Variants in NUP93 observed in about 807,000 individuals in gnomAD.
NUP93 encodes nucleoporin 93, also known as nuclear pore complex protein Nup93.
A neutral mutation model predicts 107.8 loss-of-function variants in NUP93; 55 were observed. The observed-to-expected ratio is 0.51, with a 90% CI of 0.41 to 0.64. NUP93 has a LOEUF of 0.64. NUP93 is among the 30% of genes least tolerant of loss of function. NUP93 has a pLI of 0.00. For missense variants in NUP93, 937 were observed against 1,044.7 expected (o/e 0.90, Z 1.42); for synonymous variants, 390 against 397.5 (o/e 0.98, Z 0.22).
chr16:56,801,621 CAGGCTGGTCTCGA>C (rs1963023239), intron 4 of NUP93, among the ~76,000 whole-genome samples: 2 of 152,132 alleles, frequency 1.3e-5, no homozygotes, highest in Admixed American at 6.5e-5. Flanking sequence ...CCATGTTGGC[CAGGCTGGTCTCGA>C]ACTGCTGACC....
intron 4 of NUP93, among the ~76,000 whole-genome samples, chr16:56,799,538 G>A (rs1399173309): frequency 2.0e-5 from 3 of 152,214 alleles, no homozygotes; most frequent in Non-Finnish European, 4.4e-5. Flanking sequence ...TAGTTGTCCT[G>A]TGGAATTGGT....
chr16:56,731,594 G>C (rs1961536144), intron 1 of NUP93, among the ~76,000 whole-genome samples: 1 of 151,962 alleles, frequency 6.6e-6, no homozygotes, highest in Non-Finnish European at 1.5e-5. Flanking sequence ...TTTTAGTAGA[G>C]ACGGGATTTC....
At chr16:56,737,836 C>G (rs1355152556) in intron 1 of NUP93, among the ~76,000 whole-genome samples, 1 of 152,200 alleles carries the variant, frequency 6.6e-6, no homozygotes, top group Admixed American at 6.5e-5. Flanking sequence ...TTGTTAGAAT[C>G]CGCACACCTT....
intron 1 of NUP93, among the ~76,000 whole-genome samples, chr16:56,745,309 T>C (rs1961804504): frequency 6.6e-6 from 1 of 151,836 alleles, no homozygotes; most frequent in Non-Finnish European, 1.5e-5. Flanking sequence ...CTGGCACCCA[T>C]GAAAGGAGTG....
rs574072580 is a variant in NUP93 at position 56,755,054 on chromosome 16, A to G, written c.180-3484A>G. Among the ~76,000 whole-genome samples the G allele has an allele frequency of 9.2e-5, 14 of 152,358 alleles. 1 individual carries two copies. The South Asian group carries it at 2.7e-3, about 29-fold the overall frequency. On this transcript the variant is annotated intron_variant, in intron 2 of 21. Transcript: ENST00000308159. Reference sequence around the variant, plus strand: ...TGCTGGTGGGAATGTAAAATGGTATAGTTGCTTTGGAAAACAGTCTGGCAT... The same window carrying G: ...TGCTGGTGGGAATGTAAAATGGTATGGTTGCTTTGGAAAACAGTCTGGCAT...
chr16:56,778,442 T>C (rs1298488621), intron 3 of NUP93, among the ~76,000 whole-genome samples: 1 of 152,092 alleles, frequency 6.6e-6, no homozygotes, highest in Non-Finnish European at 1.5e-5. Flanking sequence ...AGGGAGGGCA[T>C]GGCAGTACTT....
intron 3 of NUP93, among the ~76,000 whole-genome samples, chr16:56,793,324 TG>T: frequency 6.6e-6 from 1 of 152,158 alleles, no homozygotes; most frequent in South Asian, 2.1e-4. Context: ...AAGGATCAAA[TG>T]GGGGACTGTG....
intron 3 of NUP93, among the ~76,000 whole-genome samples, chr16:56,777,145 C>T (rs916655198): frequency 1.1e-4 from 16 of 152,082 alleles, no homozygotes; most frequent in Admixed American, 1.0e-3. Flanking sequence ...AGTGAATTGC[C>T]CTGGAGAAAT....
In NUP93 at chr16:56,834,385, T is replaced by C. The variant is rs905390467; in HGVS notation, c.1680T>C (p.Ser560=). ...TCCCTTACAGGGATGAGAAAGATAG[T>C]CAAGGAGAAAACATGTTTCTGCGCT... ...YFYFLRDEKD[S]QGENMFLRCV... The change falls in exon 15 of 22, where the codon AGT becomes AGC. Residue 560 remains serine, a synonymous_variant. Coordinates refer to ENST00000308159, the MANE Select transcript of NUP93 (RefSeq NM_014669.5). The C allele has an allele frequency of 4.3e-6, 7 of 1,614,218 alleles. No homozygotes were observed. Among genetic ancestry groups the C allele is most frequent in the Non-Finnish European group, 5.9e-6 (7 of 1,180,040 alleles).
intron 11 of NUP93, 95 bp downstream of exon 11, chr16:56,832,102 A>G: frequency 6.8e-7 from 1 of 1,470,190 alleles, no homozygotes. Flanking sequence ...TGATGCCAAT[A>G]CAGTGATCAG....
chr16:56,811,645 A>G (rs1371586870), intron 5 of NUP93, among the ~76,000 whole-genome samples: 1 of 151,544 alleles, frequency 6.6e-6, no homozygotes, highest in Admixed American at 6.6e-5. Flanking sequence ...TAATTTTTGT[A>G]TTTTTAGTAG....
At chr16:56,841,973 A>C in intron 21 of NUP93, 140 bp downstream of exon 21, 1 of 958,052 alleles carries the variant, frequency 1.0e-6, no homozygotes, top group South Asian at 2.0e-5. Flanking sequence ...TCGTGTTAGG[A>C]GGCTCCCAGA....
At position 56,834,367 on chromosome 16, in the gene NUP93, C is replaced by A; in HGVS notation, c.1665-3C>A. 1 of 1,614,076 alleles carries A rather than the reference C, an allele frequency of 6.2e-7. No homozygotes were observed. Among genetic ancestry groups the A allele is most frequent in the Non-Finnish European group, 8.5e-7 (1 of 1,179,912 alleles). On this transcript the variant is annotated splice_region_variant and splice_polypyrimidine_tract_variant and intron_variant, in intron 14 of 21. Coordinates refer to ENST00000308159, the MANE Select transcript of NUP93 (RefSeq NM_014669.5). ...GAAACTGAGTTGTTTATTTCCCTTA[C>A]AGGGATGAGAAAGATAGTCAAGGAG...
intron 5 of NUP93, among the ~76,000 whole-genome samples, chr16:56,817,255 C>G (rs545687312): frequency 1.2e-4 from 19 of 152,232 alleles, no homozygotes; most frequent in African/African-American, 4.6e-4. Context: ...TGAAGTGGCC[C>G]TCCTGGAACC....
intron 1 of NUP93, among the ~76,000 whole-genome samples, chr16:56,737,049 C>T (rs1320383254): frequency 6.6e-6 from 1 of 152,212 alleles, no homozygotes; most frequent in Non-Finnish European, 1.5e-5. Flanking sequence ...AATTTTTACA[C>T]ATTTATTCAC....
At chr16:56,777,818 A>C (rs1387372605) in intron 3 of NUP93, among the ~76,000 whole-genome samples, 1 of 152,230 alleles carries the variant, frequency 6.6e-6, no homozygotes, top group East Asian at 1.9e-4. Context: ...TTACCACCTA[A>C]GGCTGGAATT....
chr16:56,819,871 C>G (rs1321982549), intron 6 of NUP93, among the ~76,000 whole-genome samples: 4 of 152,170 alleles, frequency 2.6e-5, no homozygotes, highest in Non-Finnish European at 4.4e-5. Flanking sequence ...GCTGAAACCC[C>G]CAGCTTCATC....
In NUP93 at chr16:56,827,069, A is replaced by AAAAAAAAAAAAAAAAAAAAAAAAAT. The variant is rs1430722800; in HGVS notation, c.795-1908_795-1907insAAAAAAAAAAAAAAAAAAAAAAAAT. On this transcript the variant is annotated intron_variant, in intron 8 of 21. Coordinates refer to ENST00000308159, the MANE Select transcript of NUP93 (RefSeq NM_014669.5). ...CAAAAAAAAAAAAAAAAAAAAAAAA[A>AAAAAAAAAAAAAAAAAAAAAAAAAT]TTTTGTTGAGTCTGTTTCCTGTTAT... Among the ~76,000 whole-genome samples, 32 of 125,684 alleles carry AAAAAAAAAAAAAAAAAAAAAAAAAT rather than the reference A, an allele frequency of 2.5e-4. 3 individuals are homozygous for AAAAAAAAAAAAAAAAAAAAAAAAAT. The highest frequency in any genetic ancestry group is 7.0e-4 in the East Asian group (3 of 4,266). The allele number at this position is 125,684 out of a possible 152,430, so 82.5% of individuals were successfully genotyped here.
intron 3 of NUP93, chr16:56,783,886 G>A (rs1357199406): frequency 3.0e-6 from 3 of 985,242 alleles, no homozygotes; most frequent in Non-Finnish European, 3.6e-6. Flanking sequence ...AGTATTTCTT[G>A]TACTCATATA....
Sources: gnomAD v4.1 joint callset for allele counts (sites outside exome capture counted in the v4.1 genomes callset) on GRCh38, gnomAD v4.1.1 for gene constraint, MANE v1.5 for transcripts, NCBI Gene and HGNC (gene_info 2026-07-23, HGNC 2026-07-21) for gene names.